Variants in SYDE2 observed in about 807,000 individuals in gnomAD.
SYDE2 encodes synapse defective Rho GTPase homolog 2.
In SYDE2, 76 loss-of-function variants were observed where a neutral mutation model predicts 91.5. That is an observed-to-expected ratio of 0.83 (90% CI 0.69 to 1.01). The LOEUF is 1.01. SYDE2 is among the 50% of genes least tolerant of loss of function. SYDE2 has a pLI of 0.00. For missense variants in SYDE2, 1,364 were observed against 1,367.7 expected (o/e 1.00, Z 0.04); for synonymous variants, 513 against 506.4 (o/e 1.01, Z -0.18).
chr1:85,165,959 G>T (rs563648264), intron 5 of SYDE2, among the ~76,000 whole-genome samples: 1 of 141,504 alleles, frequency 7.1e-6, no homozygotes, highest in African/African-American at 2.7e-5. Context: ...CTGCAGCACC[G>T]ACCTTCCTGG....
At chr1:85,191,826 T>C (rs1658382343) in intron 1 of SYDE2, among the ~76,000 whole-genome samples, 1 of 151,838 alleles carries the variant, frequency 6.6e-6, no homozygotes, top group Non-Finnish European at 1.5e-5. Context: ...CACATCTTAA[T>C]ATAAGTAAGA....
chr1:85,182,276 T>C lies in SYDE2; in HGVS notation c.2366A>G (p.Tyr789Cys). 6.2e-7 allele frequency: 1 copy of C among 1,613,242 alleles called. No individual in the cohort carries two copies. The highest frequency in any genetic ancestry group is 8.5e-7 in the Non-Finnish European group (1 of 1,179,660). ...AVKLEPRGLIYVKVTLMEQWE... is the reference protein window; with the variant it reads ...AVKLEPRGLICVKVTLMEQWE... ...CTGTTCCATAAGAGTCACTTTCACA[T>C]AAATAAGACCTCTAGGTTCAAGTTT... is the stretch of plus-strand genomic sequence containing the variant. The change falls in exon 3 of 7, where the codon TAT becomes TGT. Residue 789 changes from tyrosine (Y) to cysteine (C), a missense_variant. Coordinates refer to ENST00000341460, the MANE Select transcript of SYDE2 (RefSeq NM_032184.2).
chr1:85,196,297 G>A (rs1658585080), intron 1 of SYDE2, among the ~76,000 whole-genome samples: 1 of 151,670 alleles, frequency 6.6e-6, no homozygotes, highest in Non-Finnish European at 1.5e-5. Context: ...ACACCAGACA[G>A]CAGCATCTAC....
At chr1:85,159,367 A>G in intron 6 of SYDE2, 118 bp from the exon 7 acceptor site, 1 of 657,908 alleles carries the variant, frequency 1.5e-6, no homozygotes, top group Non-Finnish European at 2.7e-6. Context: ...AAACAAAAAC[A>G]TGCACTCTGT....
intron 3 of SYDE2, among the ~76,000 whole-genome samples, chr1:85,180,101 CA>C (rs1657855015): frequency 6.6e-6 from 1 of 152,110 alleles, no homozygotes; most frequent in Admixed American, 6.5e-5. Flanking sequence ...ATCTCCATAG[CA>C]ATTTTTCCCG....
chr1:85,177,760 T>C (rs1247391363), intron 4 of SYDE2, among the ~76,000 whole-genome samples: 1 of 152,144 alleles, frequency 6.6e-6, no homozygotes, highest in African/African-American at 2.4e-5. Flanking sequence ...ACTCAAAAAA[T>C]CTTAATGGAT....
intron 5 of SYDE2, among the ~76,000 whole-genome samples, chr1:85,168,141 G>A (rs1258580820): frequency 2.6e-5 from 4 of 151,610 alleles, no homozygotes; most frequent in African/African-American, 9.7e-5. Flanking sequence ...ATTTTACCTA[G>A]TGTTGGGAAA....
chr1:85,172,977 G>C (rs760436958), intron 4 of SYDE2, among the ~76,000 whole-genome samples: 1 of 152,158 alleles, frequency 6.6e-6, no homozygotes, highest in Admixed American at 6.5e-5. Context: ...AATCACTCTC[G>C]TTCCATGCAG....
chr1:85,190,189 A>T lies in SYDE2; in HGVS notation c.1309T>A (p.Ser437Thr), dbSNP rs1658305920. The change falls in exon 2 of 7, where the codon TCA (serine) becomes ACA (threonine). Residue 437 changes from serine to threonine, a missense_variant. Ser to Thr is a moderately conservative substitution (Grantham distance 58, BLOSUM62 1). Transcript: ENST00000341460. The stretch of plus-strand genomic sequence containing the variant: ...GGATGTATAGGATTCATTCCATTTG[A>T]CCGTGTGGTCTGAATATCACCTGCA... ...EHAGDIQTTR[S>T]NGMNPIHPAH... is the part of the protein sequence containing the mutation. The T allele has an allele frequency of 6.2e-7, 1 of 1,613,864 alleles. No homozygotes were observed. The highest frequency in any genetic ancestry group is 8.5e-7 in the Non-Finnish European group (1 of 1,179,904).
chr1:85,153,555 T>G (rs1443880208), downstream of SYDE2: 1 of 152,210 alleles, frequency 6.6e-6, no homozygotes, highest in Non-Finnish European at 1.5e-5. Context: ...GGATGCAAGC[T>G]AATTCCTCTC....
intron 6 of SYDE2, among the ~76,000 whole-genome samples, chr1:85,162,964 G>C (rs568772388): frequency 3.4e-4 from 52 of 152,186 alleles, no homozygotes; most frequent in African/African-American, 1.2e-3. Flanking sequence ...GCTGAAATTA[G>C]CTCAATTACC....
Position 85,192,637 on chromosome 1 carries a change from G to A in SYDE2, c.746-1885C>T, listed in dbSNP as rs530445401. ...TCCACAAATGAGTGACTATTATGTG[G>A]CAGGCATGAGAGATAAAGAAGTAAG... is the stretch of plus-strand genomic sequence containing the variant. On this transcript the variant is annotated intron_variant, in intron 1 of 6. Transcript: ENST00000341460. 8.5e-5 allele frequency among the ~76,000 whole-genome samples: 13 copies of A among 152,264 alleles called. No individual in the cohort carries two copies. The East Asian group carries it at 2.5e-3, about 29-fold the overall frequency.
chr1:85,175,238 G>A (rs1377326821), intron 4 of SYDE2, among the ~76,000 whole-genome samples: 2 of 152,172 alleles, frequency 1.3e-5, no homozygotes, highest in African/African-American at 4.8e-5. Context: ...AGTGGCTCAC[G>A]CCTGTAATCC....
rs1048882503 is a variant in SYDE2, at chr1:85,158,587, T to C, written c.*163A>G. 6 of 507,212 alleles carry C rather than the reference T, an allele frequency of 1.2e-5. No individual in the cohort carries two copies. The highest frequency in any genetic ancestry group is 4.0e-5 in the African/African-American group (2 of 49,460). 31.4% of individuals were successfully genotyped at this position (507,212 alleles called of 1,614,324 possible). The stretch of plus-strand genomic sequence containing the variant: ...AGTTTTCTAGTGAGATAAGTAAAAA[T>C]TGTATTAATGAATAGTGTTTTTAAT... On this transcript the variant is annotated 3_prime_UTR_variant, in exon 7 of 7. Transcript: ENST00000341460.
At chr1:85,192,399 C>A (rs371326403) in intron 1 of SYDE2, among the ~76,000 whole-genome samples, 1 of 152,238 alleles carries the variant, frequency 6.6e-6, no homozygotes, top group South Asian at 2.1e-4. Context: ...CAGAGTGAGA[C>A]CCTGTCTCTT....
At chr1:85,185,215 A>AATATTTATAATATATATTTATATTATTTT (rs1658086023) in intron 2 of SYDE2, among the ~76,000 whole-genome samples, 2 of 147,724 alleles carry the variant, frequency 1.4e-5, no homozygotes, top group Non-Finnish European at 3.0e-5. Context: ...GTAAATATTT[A>AATATTTATAATATATATTTATATTATTTT]ATATTTATAA....
At chr1:85,185,989 A>G (rs1057393173) in intron 2 of SYDE2, among the ~76,000 whole-genome samples, 7 of 152,252 alleles carry the variant, frequency 4.6e-5, no homozygotes, top group African/African-American at 1.7e-4. Flanking sequence ...TAATTTATTG[A>G]GAGTTTTTAG....
chr1:85,160,582 C>G, intron 6 of SYDE2: 2 of 985,110 alleles, frequency 2.0e-6, no homozygotes, highest in Non-Finnish European at 2.4e-6. Context: ...GAATGGATAA[C>G]TGATTTTTCC....
At chr1:85,194,313 AAT>A (rs1260918843) in intron 1 of SYDE2, among the ~76,000 whole-genome samples, 13 of 150,676 alleles carry the variant, frequency 8.6e-5, no homozygotes, top group South Asian at 4.2e-4. Context: ...ATATATATGA[AAT>A]ATGTTATTCA....
Sources: gnomAD v4.1 joint callset for allele counts (sites outside exome capture counted in the v4.1 genomes callset) on GRCh38, gnomAD v4.1.1 for gene constraint, MANE v1.5 for transcripts, NCBI Gene and HGNC (gene_info 2026-07-23, HGNC 2026-07-21) for gene names.